The following SLC16A7 variants were observed in gnomAD, a reference collection of about 807,000 sequenced individuals.
SLC16A7 encodes the protein monocarboxylate transporter 2.
In SLC16A7, 33 loss-of-function variants were observed where a neutral mutation model predicts 34.9. That is an observed-to-expected ratio of 0.94 (90% confidence interval 0.72 to 1.26). The LOEUF is 1.26. Among genes scored for constraint, SLC16A7 ranks in the 50% most tolerant of loss-of-function variants. The pLI, the probability that SLC16A7 is intolerant of heterozygous loss-of-function variation, is 0.00. For synonymous variants in SLC16A7, 201 were observed against 206.6 expected (o/e 0.97, Z 0.23); for missense variants, 573 against 578.1 (o/e 0.99, Z 0.09).
chr12:59,761,927 G>A (rs1339675518), intron 3 of SLC16A7, among the ~76,000 whole-genome samples: 1 of 152,044 alleles, frequency 6.6e-6, no homozygotes, highest in Non-Finnish European at 1.5e-5. Flanking sequence ...GTCATTTTAT[G>A]GGAGAAATCA....
chr12:59,777,582 C>CT (rs942696994), intron 5 of SLC16A7, among the ~76,000 whole-genome samples: 31 of 144,874 alleles, frequency 2.1e-4, no homozygotes, highest in East Asian at 1.0e-3. Flanking sequence ...CTAAAAAATT[C>CT]TTTTTTTTTT....
intron 3 of SLC16A7, among the ~76,000 whole-genome samples, chr12:59,727,170 A>ATATATATATATATATATATATAAAAT (rs1555174538): frequency 1.5e-4 from 22 of 144,386 alleles, no homozygotes; most frequent in African/African-American, 5.6e-4. Flanking sequence ...ATATATATAT[A>ATATATATATATATATATATATAAAAT]ATATATATAT....
intron 3 of SLC16A7, among the ~76,000 whole-genome samples, chr12:59,743,753 G>A (rs1878588030): frequency 6.6e-6 from 1 of 152,052 alleles, no homozygotes; most frequent in African/African-American, 2.4e-5. Context: ...TTCTAATTTT[G>A]AAAATGAGGA....
In SLC16A7 at chr12:59,772,349, T is replaced by C. The variant is rs535522140; in HGVS notation, c.361+987T>C. Among the ~76,000 whole-genome samples, 3 of 152,300 alleles carry C rather than the reference T, an allele frequency of 2.0e-5. No homozygotes were observed. The East Asian group carries it at 5.8e-4, about 29-fold the overall frequency. On this transcript the variant is annotated intron_variant, in intron 4 of 5. Coordinates refer to ENST00000547379, the MANE Select transcript of SLC16A7 (RefSeq NM_001270623.2). ...GTCTTATATGTAAGCATTATCATAG[T>C]GAAGAGAGTGCCTTTTCTTTTGTGT...
At chr12:59,737,739 C>T (rs1877763865) in intron 3 of SLC16A7, among the ~76,000 whole-genome samples, 1 of 152,160 alleles carries the variant, frequency 6.6e-6, no homozygotes, top group African/African-American at 2.4e-5. Flanking sequence ...TTTTCCCTAG[C>T]TCTGAACCAG....
intron 3 of SLC16A7, among the ~76,000 whole-genome samples, chr12:59,757,646 G>GCCTGCCTCT (rs796424563): frequency 2.0e-5 from 3 of 151,944 alleles, no homozygotes; most frequent in Non-Finnish European, 4.4e-5. Context: ...TACACCGTGT[G>GCCTGCCTCT]CCTGCCTCTC....
At chr12:59,744,946 T>A (rs979706448) in intron 3 of SLC16A7, among the ~76,000 whole-genome samples, 1 of 152,170 alleles carries the variant, frequency 6.6e-6, no homozygotes, top group Non-Finnish European at 1.5e-5. Flanking sequence ...CCAGTGCCCA[T>A]GTACTCTAGA....
chr12:59,659,404 C>T (rs970754922), intron 2 of SLC16A7, among the ~76,000 whole-genome samples: 2 of 152,014 alleles, frequency 1.3e-5, no homozygotes, highest in African/African-American at 2.4e-5. Context: ...AACCCTCATC[C>T]TCCTCCTAGC....
chr12:59,679,911 G>A (rs762171739), intron 2 of SLC16A7, among the ~76,000 whole-genome samples: 5 of 152,108 alleles, frequency 3.3e-5, no homozygotes, highest in Non-Finnish European at 7.3e-5. Context: ...CCACTGAAAC[G>A]ATCATTTCAG....
In SLC16A7 at chr12:59,730,547, G is replaced by A. The variant is rs566283835; in HGVS notation, c.217+25529G>A. Among the ~76,000 whole-genome samples the A allele has an allele frequency of 1.4e-3, 215 of 152,072 alleles. 1 individual carries two copies. Among genetic ancestry groups the A allele is most frequent in the Middle Eastern group, 6.8e-3 (2 of 294 alleles). On this transcript the variant is annotated intron_variant, in intron 3 of 5. Coordinates refer to ENST00000547379, the MANE Select transcript of SLC16A7 (RefSeq NM_001270623.2). ...AGCAAATAATAATAATAATAATAACGCTATGTAATGAACAAAGGAAATCAC... is the reference window on the plus strand; with the variant it reads ...AGCAAATAATAATAATAATAATAACACTATGTAATGAACAAAGGAAATCAC...
intron 2 of SLC16A7, among the ~76,000 whole-genome samples, chr12:59,669,288 G>A (rs1869471589): frequency 6.6e-6 from 1 of 152,102 alleles, no homozygotes; most frequent in African/African-American, 2.4e-5. Context: ...ACAATTTGAA[G>A]ATAAAACAAT....
chr12:59,773,509 C>A (rs1351878065), intron 4 of SLC16A7, among the ~76,000 whole-genome samples: 1 of 151,904 alleles, frequency 6.6e-6, no homozygotes, highest in South Asian at 2.1e-4. Context: ...TAGAGTAATT[C>A]CTAGTTTAAG....
At position 59,780,701 on chromosome 12, in the gene SLC16A7, G is replaced by A. The variant is rs1320442043; in HGVS notation, c.*1022G>A. 2 of 152,126 alleles carry A rather than the reference G, an allele frequency of 1.3e-5. No individual in the cohort carries two copies. Among genetic ancestry groups the A allele is most frequent in the African/African-American group, 2.4e-5 (1 of 41,452 alleles). 9.4% of individuals were successfully genotyped at this position (152,126 alleles called of 1,614,324 possible). ...AAGTAAAATCCTAGTTGGCAGGATTGTAAGTAGACCGAATTCTAATTTTTC... is the reference window on the plus strand; with the variant it reads ...AAGTAAAATCCTAGTTGGCAGGATTATAAGTAGACCGAATTCTAATTTTTC... On this transcript the variant is annotated 3_prime_UTR_variant, in exon 6 of 6. Transcript: ENST00000547379.
chr12:59,752,648 CAGAG>C (rs1415418858), intron 3 of SLC16A7, among the ~76,000 whole-genome samples: 5 of 152,078 alleles, frequency 3.3e-5, no homozygotes, highest in Non-Finnish European at 7.3e-5. Flanking sequence ...CTGAAAGTGA[CAGAG>C]AGAATGGAAC....
At chr12:59,611,269 G>C (rs938712863) in intron 1 of SLC16A7, among the ~76,000 whole-genome samples, 3 of 152,154 alleles carry the variant, frequency 2.0e-5, no homozygotes, top group Non-Finnish European at 4.4e-5. Flanking sequence ...ATGGTAGAAG[G>C]GGGAAGCAAA....
At chr12:59,690,829 C>A (rs1310771820) in intron 2 of SLC16A7, among the ~76,000 whole-genome samples, 1 of 151,890 alleles carries the variant, frequency 6.6e-6, no homozygotes, top group Non-Finnish European at 1.5e-5. Flanking sequence ...TTTGGGGTGG[C>A]ATATTCCGGT....
intron 1 of SLC16A7, among the ~76,000 whole-genome samples, chr12:59,608,695 A>G (rs2136964025): frequency 6.6e-6 from 1 of 152,300 alleles, no homozygotes; most frequent in African/African-American, 2.4e-5. Flanking sequence ...TAAGTAATAT[A>G]TGCTGTTAAT....
At position 59,697,676 on chromosome 12, in the gene SLC16A7, T is replaced by C. The variant is rs569693374; in HGVS notation, c.-30-7096T>C. On this transcript the variant is annotated intron_variant, in intron 2 of 5. Transcript: ENST00000547379. The stretch of plus-strand genomic sequence containing the variant: ...CTTATACTATAATTGCTACCAGCAT[T>C]TGCCTTGATATTGCTGCCCCTGTCT... 7.2e-5 allele frequency among the ~76,000 whole-genome samples: 11 copies of C among 151,788 alleles called. No homozygotes were observed. The South Asian group carries it at 2.3e-3, about 31-fold the overall frequency.
chr12:59,673,587 T>A (rs1298999605), intron 2 of SLC16A7, among the ~76,000 whole-genome samples: 1 of 152,050 alleles, frequency 6.6e-6, no homozygotes, highest in African/African-American at 2.4e-5. Flanking sequence ...TTGTGCAGCC[T>A]AACATCATAG....
Sources: gnomAD v4.1 joint callset for allele counts (sites outside exome capture counted in the v4.1 genomes callset) on GRCh38, gnomAD v4.1.1 for gene constraint, MANE v1.5 for transcripts, NCBI Gene and HGNC (gene_info 2026-07-23, HGNC 2026-07-21) for gene names.